RYR3: variants seen among roughly 807,000 people sequenced by gnomAD.
RYR3 encodes ryanodine receptor 3.
In RYR3, 207 loss-of-function variants were observed where a neutral mutation model predicts 584.3. The ratio of observed to expected loss-of-function variants is 0.35; its 90% CI spans 0.32 to 0.40. The LOEUF (loss-of-function observed/expected upper bound fraction) is 0.40, where lower values mean the gene tolerates loss of function less well. Ranked by LOEUF, RYR3 falls within the 10% of genes least tolerant of loss-of-function variation. The pLI is 1.00. For synonymous variants in RYR3, 2,416 were observed against 2,248.5 expected, an observed-to-expected ratio of 1.07 and a Z score of -2.11; for missense variants, 5,616 against 6,089.2, an observed-to-expected ratio of 0.92 and a Z score of 2.59.
intron 38 of RYR3, among the ~76,000 whole-genome samples, chr15:33,678,237 A>G (rs924905767): frequency 1.3e-5 from 2 of 152,206 alleles, no homozygotes; most frequent in African/African-American, 4.8e-5. Context: ...TCGAATTGTA[A>G]TCCCCACGTG....
At chr15:33,785,617 A>G (rs1203453036) in intron 65 of RYR3, 45 bp from the exon 66 acceptor site, 3 of 1,453,932 alleles carry the variant, frequency 2.1e-6, no homozygotes, top group Non-Finnish European at 2.8e-6. Flanking sequence ...GCTTGCACCC[A>G]CTGTGCTTTT....
intron 2 of RYR3, among the ~76,000 whole-genome samples, chr15:33,476,152 A>G: frequency 6.6e-6 from 1 of 152,232 alleles, no homozygotes; most frequent in South Asian, 2.1e-4. Flanking sequence ...TTGGAATTAC[A>G]AATTCATGTA....
At chr15:33,379,643 A>ATG (rs147989530) in intron 1 of RYR3, among the ~76,000 whole-genome samples, 21,089 of 133,120 alleles carry the variant, frequency 0.16, 1,802 homozygotes, top group East Asian at 0.38. Context: ...ATTTATGTGT[A>ATG]TGTGTGTGTG....
At chr15:33,608,253 G>T (rs1319179668) in intron 18 of RYR3, among the ~76,000 whole-genome samples, 2 of 152,196 alleles carry the variant, frequency 1.3e-5, no homozygotes, top group African/African-American at 4.8e-5. Flanking sequence ...CTTGGGATTT[G>T]AACTCAGTCC....
intron 103 of RYR3, 141 bp from the exon 104 acceptor site, chr15:33,864,990 G>C (rs535761176): frequency 1.6e-4 from 99 of 621,374 alleles, no homozygotes; most frequent in Middle Eastern, 8.7e-4. Context: ...GCTGGGAATA[G>C]AGCAAGAATG....
At chr15:33,348,629 C>G (rs1379047853) in intron 1 of RYR3, among the ~76,000 whole-genome samples, 1 of 152,136 alleles carries the variant, frequency 6.6e-6, no homozygotes, top group Non-Finnish European at 1.5e-5. Flanking sequence ...GCGTGCGCCA[C>G]CATGCCCGGG....
At chr15:33,444,706 C>T (rs1324349554) in intron 1 of RYR3, among the ~76,000 whole-genome samples, 1 of 152,104 alleles carries the variant, frequency 6.6e-6, no homozygotes, top group Non-Finnish European at 1.5e-5. Flanking sequence ...CAACCACCCA[C>T]ACAGCAAAGC....
chr15:33,863,616 A>G (rs1889329939), intron 102 of RYR3, among the ~76,000 whole-genome samples: 1 of 152,222 alleles, frequency 6.6e-6, no homozygotes, highest in South Asian at 2.1e-4. Context: ...TCACAGAGCA[A>G]GTGAAACTAC....
chr15:33,652,727 C>A lies in RYR3; in HGVS notation c.4152C>A (p.Arg1384=). 1.2e-6 allele frequency: 2 copies of A among 1,613,280 alleles called. No homozygotes were observed. Among genetic ancestry groups the A allele is most frequent in the Non-Finnish European group, 1.7e-6 (2 of 1,179,580 alleles). Residue 1384 remains arginine (R), a synonymous_variant, in exon 32 of 104, where the codon CGC becomes CGA. Coordinates refer to ENST00000634891, the MANE Select transcript of RYR3 (RefSeq NM_001036.6). ...CTGTCTTGGCTCCTAGTGTGAAACG[C>A]AGCAACTGCTACATGGTCTGGGGTG... is the stretch of plus-strand genomic sequence containing the variant. ...ERGRVHESVK[R]SNCYMVWGGD...
chr15:33,588,814 TTGTGTG>T (rs35580473), intron 16 of RYR3, among the ~76,000 whole-genome samples: 1 of 151,678 alleles, frequency 6.6e-6, no homozygotes, highest in Non-Finnish European at 1.5e-5. Context: ...CAGTATTCCA[TTGTGTG>T]TGTGTGTGTA....
At chr15:33,704,281 CA>C (rs5811787) in intron 42 of RYR3, among the ~76,000 whole-genome samples, 10,238 of 113,738 alleles carry the variant, frequency 0.09, 731 homozygotes, top group African/African-American at 0.25. Flanking sequence ...GACTCCGTCT[CA>C]AAAAAAAAAA....
rs779571329 is a variant in RYR3 at position 33,586,107 on chromosome 15, G to A, written c.1779G>A (p.Arg593=). 1.1e-5 allele frequency: 17 copies of A among 1,596,862 alleles called. No homozygotes were observed. Among genetic ancestry groups the A allele is most frequent in the Non-Finnish European group, 8.6e-6 (10 of 1,164,268 alleles). Residue 593 remains arginine (R), a synonymous_variant, in exon 16 of 104, where the codon CGG becomes CGA. Transcript: ENST00000634891. ...TCTCCCTGTTGGATAAGCACGGGCG[G>A]AATCACAAGGTAGGTGTGGAAAGAA... is the stretch of plus-strand genomic sequence containing the variant. ...SIISLLDKHG[R]NHKVLDILCS...
chr15:33,413,404 T>C lies in RYR3; in HGVS notation c.52-60015T>C, dbSNP rs142126460. On this transcript the variant is annotated intron_variant, in intron 1 of 103. Coordinates refer to ENST00000634891, the MANE Select transcript of RYR3 (RefSeq NM_001036.6). ...CAAGAGAAAACAGTCCAATTCCTAGTGGAAGCGTCATGTGACGAAAGGTGG... is the reference window on the plus strand; with the variant it reads ...CAAGAGAAAACAGTCCAATTCCTAGCGGAAGCGTCATGTGACGAAAGGTGG... Among the ~76,000 whole-genome samples the C allele has an allele frequency of 2.5e-4, 38 of 152,342 alleles. No individual in the cohort carries two copies. The East Asian group carries it at 6.2e-3, about 25-fold the overall frequency.
chr15:33,608,634 C>T (rs1488295469), intron 18 of RYR3, among the ~76,000 whole-genome samples: 3 of 152,216 alleles, frequency 2.0e-5, no homozygotes, highest in African/African-American at 7.2e-5. Context: ...CCTTCATATC[C>T]AGTGATTATC....
intron 42 of RYR3, 62 bp from the exon 43 acceptor site, chr15:33,706,853 TGAGG>T (rs2066752222): frequency 6.8e-7 from 1 of 1,461,864 alleles, no homozygotes; most frequent in Admixed American, 2.2e-5. Flanking sequence ...TGTTATTTTT[TGAGG>T]TGTGTTTTTT....
At chr15:33,735,956 GT>G (rs2069424179) in intron 48 of RYR3, among the ~76,000 whole-genome samples, 1 of 152,176 alleles carries the variant, frequency 6.6e-6, no homozygotes, top group African/African-American at 2.4e-5. Context: ...CACATAATCA[GT>G]GACTATATTT....
At chr15:33,754,668 A>G (rs1288637588) in intron 57 of RYR3, among the ~76,000 whole-genome samples, 5 of 152,178 alleles carry the variant, frequency 3.3e-5, no homozygotes, top group African/African-American at 1.2e-4. Context: ...TTTCTGGACC[A>G]GTTCTGGACC....
At chr15:33,588,784 A>G (rs1242794644) in intron 16 of RYR3, among the ~76,000 whole-genome samples, 1 of 150,978 alleles carries the variant, frequency 6.6e-6, no homozygotes, top group Non-Finnish European at 1.5e-5. Context: ...ATCTGATTTC[A>G]TTCTTTTTTT....
At chr15:33,696,077 G>A (rs765000796) in intron 38 of RYR3, 141 bp from the exon 39 acceptor site, 19 of 679,960 alleles carry the variant, frequency 2.8e-5, no homozygotes, top group Non-Finnish European at 4.5e-5. Flanking sequence ...TTATAGGCAT[G>A]AGCCACTGCA....
Sources: gnomAD v4.1 joint callset for allele counts (sites outside exome capture counted in the v4.1 genomes callset) on GRCh38, gnomAD v4.1.1 for gene constraint, MANE v1.5 for transcripts, NCBI Gene and HGNC (gene_info 2026-07-23, HGNC 2026-07-21) for gene names.